Variants in ADAM23 observed in about 807,000 individuals in gnomAD.
The protein encoded by ADAM23 is disintegrin and metalloproteinase domain-containing protein 23.
Under a neutral mutation model 120.1 loss-of-function variants are expected in ADAM23, and 33 were observed. The ratio of observed to expected loss-of-function variants is 0.27; its 90% confidence interval spans 0.21 to 0.37. The LOEUF is 0.37. Ranked by LOEUF, ADAM23 falls within the 10% of genes least tolerant of loss-of-function variation. ADAM23 has a pLI of 1.00. For synonymous variants in ADAM23, 367 were observed against 375.2 expected (o/e 0.98, Z 0.25); for missense variants, 862 against 1,058.2 (o/e 0.81, Z 2.57).
At chr2:206,600,867 G>T (rs951423689) in intron 24 of ADAM23, among the ~76,000 whole-genome samples, 1 of 152,050 alleles carries the variant, frequency 6.6e-6, no homozygotes, top group Non-Finnish European at 1.5e-5. Flanking sequence ...TTTTAAAAAA[G>T]ATTTTTGTCA....
intron 9 of ADAM23, among the ~76,000 whole-genome samples, chr2:206,555,397 C>G (rs1258548493): frequency 6.6e-6 from 1 of 152,182 alleles, no homozygotes; most frequent in East Asian, 1.9e-4. Flanking sequence ...CGTGGGAGCT[C>G]TACCCTCGTA....
Position 206,481,321 on chromosome 2 carries a change from A to T in ADAM23, c.509+13A>T, listed in dbSNP as rs1332059781. On this transcript the variant is annotated intron_variant, in intron 3 of 25. Coordinates refer to ENST00000264377, the MANE Select transcript of ADAM23 (RefSeq NM_003812.4). ...TCATACTGAACAAGTGAGTATTTAG[A>T]CATAATCTTCTTAAGAAGCAGGTGC... 18 of 1,564,100 alleles carry T rather than the reference A, an allele frequency of 1.2e-5. No individual in the cohort carries two copies. The highest frequency in any genetic ancestry group is 1.6e-5 in the Non-Finnish European group (18 of 1,157,008).
chr2:206,594,895 C>T lies in ADAM23; in HGVS notation c.2237C>T (p.Ser746Leu), dbSNP rs982795571. The T allele has an allele frequency of 2.5e-6, 4 of 1,613,960 alleles. No homozygotes were observed. The highest frequency in any genetic ancestry group is 3.4e-6 in the Non-Finnish European group (4 of 1,179,984). Reference protein sequence around the residue: ...CPLDSKGKVCSGHGVCSNEAT... With the variant: ...CPLDSKGKVCLGHGVCSNEAT... The stretch of plus-strand genomic sequence containing the variant: ...CTCGATTCCAAGGGTAAAGTCTGTT[C>T]GGGCCATGGGGTAAGTAGGTATCAA... The change falls in exon 23 of 26, where the codon TCG becomes TTG. Residue 746 changes from serine to leucine, a missense_variant. Transcript: ENST00000264377.
chr2:206,541,561 A>T (rs894556177), intron 4 of ADAM23, among the ~76,000 whole-genome samples: 8 of 152,186 alleles, frequency 5.3e-5, no homozygotes, highest in African/African-American at 1.9e-4. Context: ...TTTTTTTAAA[A>T]ATAAAACTTG....
chr2:206,567,110 A>G (rs961375189), intron 14 of ADAM23, 113 bp from the exon 15 acceptor site: 8 of 806,302 alleles, frequency 9.9e-6, no homozygotes, highest in Non-Finnish European at 1.6e-5. Context: ...AAATTTGTGT[A>G]GATTCATTTG....
At chr2:206,527,718 A>G (rs1283630565) in intron 3 of ADAM23, among the ~76,000 whole-genome samples, 1 of 152,212 alleles carries the variant, frequency 6.6e-6, no homozygotes, top group Non-Finnish European at 1.5e-5. Flanking sequence ...GCATTATGCC[A>G]GGTGCTAGGG....
At chr2:206,530,083 A>G (rs1432958649) in intron 3 of ADAM23, among the ~76,000 whole-genome samples, 3 of 152,222 alleles carry the variant, frequency 2.0e-5, no homozygotes, top group Non-Finnish European at 4.4e-5. Flanking sequence ...TGCTGGGATT[A>G]CAGGCATGAG....
At chr2:206,599,891 T>G (rs546208519) in intron 24 of ADAM23, among the ~76,000 whole-genome samples, 15 of 152,338 alleles carry the variant, frequency 9.8e-5, no homozygotes, top group Non-Finnish European at 1.9e-4. Context: ...TGTGAGACAC[T>G]AAGATTTTTC....
chr2:206,596,497 A>G (rs896138490), intron 24 of ADAM23, among the ~76,000 whole-genome samples: 1 of 152,168 alleles, frequency 6.6e-6, no homozygotes, highest in Non-Finnish European at 1.5e-5. Flanking sequence ...CATTTTTCTA[A>G]TAGATCAAAT....
At chr2:206,489,885 A>G (rs1696095009) in intron 3 of ADAM23, among the ~76,000 whole-genome samples, 1 of 152,242 alleles carries the variant, frequency 6.6e-6, no homozygotes, top group African/African-American at 2.4e-5. Flanking sequence ...TTGTAACTAT[A>G]TGAGGAAAAC....
At position 206,445,533 on chromosome 2, in the gene ADAM23, G is replaced by A. The variant is rs1360976393; in HGVS notation, c.432+9G>A. On this transcript the variant is annotated intron_variant, in intron 2 of 25. Coordinates refer to ENST00000264377, the MANE Select transcript of ADAM23 (RefSeq NM_003812.4). ...AGCAAAAACATAATAAGGTAGGCAG[G>A]AGGCTGGCTATGCAAAAGTAACTAT... The A allele has an allele frequency of 1.2e-6, 2 of 1,605,160 alleles. No homozygotes were observed. The highest frequency in any genetic ancestry group is 2.2e-5 in the South Asian group (2 of 89,386).
chr2:206,496,483 C>A (rs1696250874), intron 3 of ADAM23, among the ~76,000 whole-genome samples: 1 of 151,994 alleles, frequency 6.6e-6, no homozygotes, highest in African/African-American at 2.4e-5. Flanking sequence ...ACCAGAATCT[C>A]TGGGACACAT....
At chr2:206,475,347 T>A in intron 2 of ADAM23, among the ~76,000 whole-genome samples, 1 of 152,190 alleles carries the variant, frequency 6.6e-6, no homozygotes, top group Non-Finnish European at 1.5e-5. Flanking sequence ...ACTTTTAAGA[T>A]ATATTTACAT....
chr2:206,617,615 A>G lies in ADAM23; in HGVS notation c.2487A>G (p.Gln829=). Residue 829 remains glutamine, a synonymous_variant, in exon 26 of 26, where the codon CAA becomes CAG. Coordinates refer to ENST00000264377, the MANE Select transcript of ADAM23 (RefSeq NM_003812.4). ...AGAGAAGGTTCGATCCTACTCAGCA[A>G]GGCCCCATCTGAATCAGCTGCGCTG... ...VKKRRFDPTQ[Q]GPI The G allele has an allele frequency of 6.2e-7, 1 of 1,613,048 alleles. No individual in the cohort carries two copies. Among genetic ancestry groups the G allele is most frequent in the Non-Finnish European group, 8.5e-7 (1 of 1,179,468 alleles).
intron 2 of ADAM23, among the ~76,000 whole-genome samples, chr2:206,462,669 C>T (rs1695450166): frequency 6.6e-6 from 1 of 152,114 alleles, no homozygotes; most frequent in South Asian, 2.1e-4. Flanking sequence ...CAAGTACCCC[C>T]ATTTAAGGAT....
intron 3 of ADAM23, among the ~76,000 whole-genome samples, chr2:206,506,406 G>A (rs1696498151): frequency 6.6e-6 from 1 of 152,200 alleles, no homozygotes; most frequent in Non-Finnish European, 1.5e-5. Flanking sequence ...AACTTCAGCT[G>A]AAAAGTGAAA....
At chr2:206,500,892 G>C (rs1398398696) in intron 3 of ADAM23, among the ~76,000 whole-genome samples, 1 of 151,900 alleles carries the variant, frequency 6.6e-6, no homozygotes, top group Non-Finnish European at 1.5e-5. Context: ...TTTTCTTACT[G>C]TTGAAGAAAG....
At chr2:206,451,821 A>G (rs1326458950) in intron 2 of ADAM23, among the ~76,000 whole-genome samples, 1 of 152,178 alleles carries the variant, frequency 6.6e-6, no homozygotes, top group African/African-American at 2.4e-5. Context: ...ATTCTATATC[A>G]AACTGTAAGT....
At chr2:206,605,959 C>T in intron 24 of ADAM23, 1 of 593,518 alleles carries the variant, frequency 1.7e-6, no homozygotes, top group Non-Finnish European at 3.0e-6. Context: ...GACTCCATGT[C>T]TCGTCCTGTT....
Sources: gnomAD v4.1 joint callset for allele counts (sites outside exome capture counted in the v4.1 genomes callset) on GRCh38, gnomAD v4.1.1 for gene constraint, MANE v1.5 for transcripts, NCBI Gene and HGNC (gene_info 2026-07-23, HGNC 2026-07-21) for gene names.